The following EPC1 variants were observed in gnomAD, a reference collection of about 807,000 sequenced individuals.
EPC1 encodes enhancer of polycomb homolog 1.
EPC1 carries 12 observed loss-of-function variants against 98.4 expected under a neutral mutation model. That is an observed-to-expected ratio of 0.12 (90% CI 0.08 to 0.20). The LOEUF is 0.20. Among genes scored for constraint, EPC1 ranks in the 10% least tolerant of loss-of-function variants. The probability of loss-of-function intolerance (pLI) is 1.00; values close to 1 mark genes in which losing one functional copy is unlikely to be tolerated. For missense variants in EPC1, 729 were observed against 990.5 expected (o/e 0.74, Z 3.54); for synonymous variants, 357 against 363.9 (o/e 0.98, Z 0.21).
intron 10 of EPC1, chr10:32,282,364 C>T (rs1428921026): frequency 6.6e-6 from 1 of 152,156 alleles, no homozygotes; most frequent in Admixed American, 6.6e-5. Context: ...CTATCTCTTA[C>T]AAAAAATTAG....
chr10:32,312,241 C>A (rs946068234), intron 1 of EPC1, among the ~76,000 whole-genome samples: 2 of 152,084 alleles, frequency 1.3e-5, no homozygotes, highest in Non-Finnish European at 2.9e-5. Flanking sequence ...CGAGCAATAG[C>A]GGCTGCAGGG....
chr10:32,360,464 C>T (rs1157178506), intron 1 of EPC1, among the ~76,000 whole-genome samples: 2 of 152,240 alleles, frequency 1.3e-5, no homozygotes, highest in Middle Eastern at 3.4e-3. Flanking sequence ...TGATAAGTAA[C>T]AGTTTGCATT....
At position 32,288,394 on chromosome 10, in the gene EPC1, A is replaced by G. The variant is rs113351981; in HGVS notation, c.976-1120T>C. On this transcript the variant is annotated intron_variant, in intron 6 of 13. Transcript: ENST00000319778. The stretch of plus-strand genomic sequence containing the variant: ...CAGTGGTGCGGTATCAGCACACTGC[A>G]ATCTCCGCCTCCCAGGTTCAAGTGA... Among the ~76,000 whole-genome samples the G allele has an allele frequency of 7.1e-3, 1,045 of 148,020 alleles. 5 individuals are homozygous for G. The highest frequency in any genetic ancestry group is 0.025 in the South Asian group (118 of 4,714).
chr10:32,301,259 A>C (rs1251617620), intron 2 of EPC1, among the ~76,000 whole-genome samples: 2 of 152,216 alleles, frequency 1.3e-5, no homozygotes, highest in Non-Finnish European at 2.9e-5. Flanking sequence ...AAAATTATAA[A>C]GTGTCAATGA....
rs55769539 is a variant in EPC1, at chr10:32,365,819, C to CAAA, written c.3+12669_3+12671dup. ...GGGCAACAGAGAGAGCTCCGTCTCACAAAAAAAAAAAAAAAAAAAAAAAAA... is the reference window on the plus strand; with the variant it reads ...GGGCAACAGAGAGAGCTCCGTCTCACAAAAAAAAAAAAAAAAAAAAAAAAAAAA... On this transcript the variant is annotated intron_variant, in intron 1 of 13. Transcript: ENST00000375110. Among the ~76,000 whole-genome samples, 8 of 38,434 alleles carry CAAA rather than the reference C, an allele frequency of 2.1e-4. 1 individual carries two copies. The highest frequency in any genetic ancestry group is 9.5e-4 in the African/African-American group (7 of 7,380). 25.2% of individuals were successfully genotyped at this position (38,434 alleles called of 152,430 possible). A position where few individuals can be genotyped will look rare whatever the true frequency, so the allele number is the denominator to read the frequency against.
intron 1 of EPC1, among the ~76,000 whole-genome samples, chr10:32,356,709 G>C (rs1751665211): frequency 6.6e-6 from 1 of 152,218 alleles, no homozygotes. Flanking sequence ...TTACCGCCAG[G>C]CGCGGTGGCT....
intron 9 of EPC1, 196 bp downstream of exon 9, chr10:32,286,498 A>T: frequency 1.6e-6 from 1 of 621,826 alleles, no homozygotes; most frequent in East Asian, 2.8e-5. Context: ...TAGGGACCCA[A>T]TAGAGTTATG....
intron 10 of EPC1, among the ~76,000 whole-genome samples, chr10:32,277,893 A>G (rs1489548618): frequency 6.6e-6 from 1 of 151,606 alleles, no homozygotes; most frequent in Non-Finnish European, 1.5e-5. Context: ...GTCCATTTGT[A>G]CTAAAGGGAA....
chr10:32,274,794 T>C (rs1165476633), intron 10 of EPC1, among the ~76,000 whole-genome samples: 1 of 152,200 alleles, frequency 6.6e-6, no homozygotes, highest in East Asian at 1.9e-4. Flanking sequence ...ATCATTTCCA[T>C]ATAAACAGAA....
chr10:32,286,463 A>C, intron 9 of EPC1: 1 of 513,512 alleles, frequency 1.9e-6, no homozygotes, highest in Non-Finnish European at 3.4e-6. Flanking sequence ...GAGGTTTTCC[A>C]CCTTGGGGAG....
At chr10:32,359,856 A>G (rs1334326494) in intron 1 of EPC1, among the ~76,000 whole-genome samples, 1 of 152,148 alleles carries the variant, frequency 6.6e-6, no homozygotes, top group Non-Finnish European at 1.5e-5. Context: ...GTTTCCATTT[A>G]GTAGTTTTGT....
chr10:32,317,084 T>C (rs1462018698), intron 1 of EPC1, among the ~76,000 whole-genome samples: 1 of 151,932 alleles, frequency 6.6e-6, no homozygotes, highest in Admixed American at 6.6e-5. Context: ...GAACACTGTG[T>C]TCCCCAACTC....
chr10:32,315,991 C>T (rs2132875097), intron 1 of EPC1, among the ~76,000 whole-genome samples: 1 of 152,296 alleles, frequency 6.6e-6, no homozygotes, highest in African/African-American at 2.4e-5. Flanking sequence ...CTTGTTACCT[C>T]TCTGGTACTG....
chr10:32,295,437 A>G (rs1835095916), intron 2 of EPC1, among the ~76,000 whole-genome samples: 1 of 152,182 alleles, frequency 6.6e-6, no homozygotes, highest in Admixed American at 6.6e-5. Flanking sequence ...ATTTTGACCT[A>G]TATCACTTCT....
In EPC1 at chr10:32,272,012, G is replaced by A; in HGVS notation, c.2005+14C>T. On this transcript the variant is annotated intron_variant, in intron 12 of 13. Coordinates refer to ENST00000319778, the MANE Select transcript of EPC1 (RefSeq NM_001272004.3). ...TAAATATAACCCAAACAATTTAAAT[G>A]TCTTTATTCTTACCTGAGGCTGGAA... The A allele has an allele frequency of 6.2e-7, 1 of 1,606,762 alleles. No homozygotes were observed. The highest frequency in any genetic ancestry group is 8.5e-7 in the Non-Finnish European group (1 of 1,178,124).
intron 10 of EPC1, among the ~76,000 whole-genome samples, chr10:32,279,048 C>T (rs1836255549): frequency 6.6e-6 from 1 of 152,038 alleles, no homozygotes; most frequent in Admixed American, 6.6e-5. Flanking sequence ...AATCCACCTT[C>T]TATAGTAAAA....
intron 1 of EPC1, among the ~76,000 whole-genome samples, chr10:32,320,716 T>C (rs1270946334): frequency 6.6e-6 from 1 of 152,150 alleles, no homozygotes; most frequent in Non-Finnish European, 1.5e-5. Flanking sequence ...TGCCTCAGCC[T>C]CCCAAGTAGC....
At chr10:32,276,942 T>C (rs1836134752) in intron 10 of EPC1, among the ~76,000 whole-genome samples, 1 of 152,156 alleles carries the variant, frequency 6.6e-6, no homozygotes, top group African/African-American at 2.4e-5. Context: ...GTCAGAATCC[T>C]TTCACAAAAC....
At chr10:32,354,013 T>C (rs1839200048) in intron 1 of EPC1, among the ~76,000 whole-genome samples, 1 of 152,218 alleles carries the variant, frequency 6.6e-6, no homozygotes, top group East Asian at 1.9e-4. Context: ...TCAATATATT[T>C]ACTAAGGTGT....
Sources: gnomAD v4.1 joint callset for allele counts (sites outside exome capture counted in the v4.1 genomes callset) on GRCh38, gnomAD v4.1.1 for gene constraint, MANE v1.5 for transcripts, NCBI Gene and HGNC (gene_info 2026-07-23, HGNC 2026-07-21) for gene names.